Variants in DCC observed in about 807,000 individuals in gnomAD.
The protein encoded by DCC is DCC netrin 1 receptor, also known as netrin receptor DCC.
In DCC, 58 loss-of-function variants were observed where a neutral mutation model predicts 172.5. The ratio of observed to expected loss-of-function variants is 0.34; its 90% CI spans 0.27 to 0.42. The LOEUF (loss-of-function observed/expected upper bound fraction) is 0.42, where lower values mean the gene tolerates loss of function less well. Among genes scored for constraint, DCC ranks in the 10% least tolerant of loss-of-function variants. The pLI, the probability that DCC is intolerant of heterozygous loss-of-function variation, is 1.00. For missense variants in DCC, 1,740 were observed against 1,791.0 expected (o/e 0.97, Z 0.51); for synonymous variants, 709 against 644.5 (o/e 1.10, Z -1.52).
At chr18:53,225,433 A>G (rs2056011740) in intron 12 of DCC, among the ~76,000 whole-genome samples, 1 of 152,226 alleles carries the variant, frequency 6.6e-6, no homozygotes, top group Non-Finnish European at 1.5e-5. Flanking sequence ...AGAAAATTGC[A>G]GGAATGCAAT....
intron 12 of DCC, among the ~76,000 whole-genome samples, chr18:53,262,058 A>C (rs966178650): frequency 4.6e-5 from 7 of 152,212 alleles, no homozygotes; most frequent in African/African-American, 1.7e-4. Flanking sequence ...TGTTTTATCT[A>C]AGAGCAAGAT....
chr18:52,806,042 T>C (rs1194856795), intron 2 of DCC, among the ~76,000 whole-genome samples: 3 of 152,236 alleles, frequency 2.0e-5, no homozygotes, highest in African/African-American at 4.8e-5. Context: ...ATATTTGAAA[T>C]ATACCCCTTA....
At chr18:53,381,490 G>T (rs895729688) in intron 15 of DCC, among the ~76,000 whole-genome samples, 5 of 151,306 alleles carry the variant, frequency 3.3e-5, no homozygotes, top group Non-Finnish European at 5.9e-5. Context: ...AATTGGACCT[G>T]TGAATATAAA....
intron 12 of DCC, among the ~76,000 whole-genome samples, chr18:53,240,026 T>TA (rs68158437): frequency 0.024 from 1,623 of 68,452 alleles, 6 homozygotes; most frequent in East Asian, 0.047. Context: ...GTTCTAGAGT[T>TA]AAAAAAAAAA....
chr18:53,303,839 G>T (rs2057168872), intron 12 of DCC, among the ~76,000 whole-genome samples: 1 of 152,168 alleles, frequency 6.6e-6, no homozygotes, highest in African/African-American at 2.4e-5. Context: ...CTGGGTTCTT[G>T]TCCAGCATCC....
chr18:52,952,288 A>G (rs2040661278), intron 5 of DCC, among the ~76,000 whole-genome samples: 1 of 152,178 alleles, frequency 6.6e-6, no homozygotes, highest in Non-Finnish European at 1.5e-5. Flanking sequence ...ATAACTTCAA[A>G]CAGTTCAGCA....
chr18:52,372,822 G>A (rs965322485), intron 1 of DCC, among the ~76,000 whole-genome samples: 164 of 152,262 alleles, frequency 1.1e-3, no homozygotes, highest in African/African-American at 2.9e-3. Flanking sequence ...TGTATACCTC[G>A]GGGCAGCTTT....
At chr18:53,460,755 C>G (rs1232541624) in intron 24 of DCC, among the ~76,000 whole-genome samples, 1 of 152,098 alleles carries the variant, frequency 6.6e-6, no homozygotes, top group Non-Finnish European at 1.5e-5. Context: ...GTGCATGTGT[C>G]TTTATAGCAG....
intron 2 of DCC, among the ~76,000 whole-genome samples, chr18:52,820,245 A>T (rs184035215): frequency 7.2e-5 from 11 of 152,296 alleles, no homozygotes; most frequent in Non-Finnish European, 1.3e-4. Context: ...TTCCAGGAAT[A>T]CATAAGCCAG....
chr18:52,861,407 AGT>A (rs1289791058), intron 2 of DCC, among the ~76,000 whole-genome samples: 1 of 152,366 alleles, frequency 6.6e-6, no homozygotes, highest in Admixed American at 6.5e-5. Flanking sequence ...TAAAATAACT[AGT>A]ACCCACAAGT....
chr18:53,323,199 T>G (rs753363758), intron 14 of DCC, among the ~76,000 whole-genome samples: 4 of 152,190 alleles, frequency 2.6e-5, no homozygotes, highest in African/African-American at 4.8e-5. Flanking sequence ...TTCCTAGTTC[T>G]TGTATTACTT....
chr18:52,872,821 C>T (rs1485691294), intron 2 of DCC, among the ~76,000 whole-genome samples: 1 of 152,102 alleles, frequency 6.6e-6, no homozygotes, highest in African/African-American at 2.4e-5. Flanking sequence ...GGGCTTTGAT[C>T]ACTTGTAAGA....
At chr18:53,023,376 G>A (rs1008464714) in intron 5 of DCC, among the ~76,000 whole-genome samples, 5 of 91,828 alleles carry the variant, frequency 5.4e-5, no homozygotes, top group South Asian at 3.6e-4. Context: ...AAAATAAAAA[G>A]GACAAACACA....
At chr18:53,148,773 T>C (rs1466072785) in intron 7 of DCC, among the ~76,000 whole-genome samples, 2 of 151,888 alleles carry the variant, frequency 1.3e-5, no homozygotes, top group Non-Finnish European at 2.9e-5. Flanking sequence ...GATGTACAAG[T>C]GACGACGTAC....
At chr18:53,120,830 C>T (rs540558703) in intron 7 of DCC, among the ~76,000 whole-genome samples, 14 of 151,714 alleles carry the variant, frequency 9.2e-5, no homozygotes, top group Admixed American at 5.3e-4. Context: ...ATATGTTTTA[C>T]AGTTAGAATG....
At chr18:52,986,011 CT>C (rs1394922794) in intron 5 of DCC, among the ~76,000 whole-genome samples, 5 of 152,048 alleles carry the variant, frequency 3.3e-5, no homozygotes, top group African/African-American at 1.2e-4. Flanking sequence ...TTCCTTTGGC[CT>C]TTGTTATTTT....
chr18:52,508,683 G>C (rs2031322870), intron 1 of DCC, among the ~76,000 whole-genome samples: 1 of 152,202 alleles, frequency 6.6e-6, no homozygotes, highest in Non-Finnish European at 1.5e-5. Context: ...CTAAAGAGGA[G>C]AAAAAGTTAC....
At chr18:52,368,483 G>T (rs1463358563) in intron 1 of DCC, among the ~76,000 whole-genome samples, 1 of 152,124 alleles carries the variant, frequency 6.6e-6, no homozygotes, top group Non-Finnish European at 1.5e-5. Flanking sequence ...CATATCCTTA[G>T]CTCCCTATGC....
intron 2 of DCC, 84 bp downstream of exon 2, chr18:52,752,458 A>G (rs2037012733): frequency 9.6e-7 from 1 of 1,041,172 alleles, no homozygotes. Flanking sequence ...TAATTTTTGT[A>G]GAAATAATGT....
Sources: gnomAD v4.1 joint callset for allele counts (sites outside exome capture counted in the v4.1 genomes callset) on GRCh38, gnomAD v4.1.1 for gene constraint, MANE v1.5 for transcripts, NCBI Gene and HGNC (gene_info 2026-07-23, HGNC 2026-07-21) for gene names.